Variants in CDH3 observed in about 807,000 individuals in gnomAD.
CDH3 encodes the protein cadherin-3.
In CDH3, 54 loss-of-function variants were observed where a neutral mutation model predicts 82.0. The observed-to-expected ratio is 0.66, with a 90% CI of 0.53 to 0.83. The LOEUF is 0.83. CDH3 is among the 40% of genes least tolerant of loss of function. The probability of loss-of-function intolerance (pLI) is 0.00; values close to 1 mark genes in which losing one functional copy is unlikely to be tolerated. For missense variants in CDH3, 1,054 were observed against 1,084.6 expected (o/e 0.97, Z 0.40); for synonymous variants, 446 against 437.9 (o/e 1.02, Z -0.23).
intron 1 of CDH3, among the ~76,000 whole-genome samples, chr16:68,711,927 C>A (rs890073602): frequency 6.6e-6 from 1 of 151,974 alleles, no homozygotes; most frequent in African/African-American, 2.4e-5. Context: ...CCCAGGACAG[C>A]CCTAAGATGG....
intron 1 of CDH3, among the ~76,000 whole-genome samples, chr16:68,721,859 G>A (rs1342212824): frequency 1.3e-5 from 2 of 152,130 alleles, no homozygotes; most frequent in African/African-American, 4.8e-5. Flanking sequence ...GGAGGCTGAG[G>A]CGGGCAGATC....
intron 2 of CDH3, among the ~76,000 whole-genome samples, chr16:68,655,221 G>C (rs1960381785): frequency 6.6e-6 from 1 of 152,086 alleles, no homozygotes; most frequent in African/African-American, 2.4e-5. Flanking sequence ...GTGGGCAGCA[G>C]CTCCTTATTT....
At chr16:68,652,232 C>T (rs774555588) in intron 2 of CDH3, among the ~76,000 whole-genome samples, 8 of 152,104 alleles carry the variant, frequency 5.3e-5, no homozygotes, top group South Asian at 2.1e-4. Context: ...CCTAGCAGGC[C>T]GCTTTCCTGG....
chr16:68,719,502 C>CTTTTTTTTT (rs71148939), intron 1 of CDH3, among the ~76,000 whole-genome samples: 2 of 74,512 alleles, frequency 2.7e-5, no homozygotes, highest in Non-Finnish European at 4.7e-5. Flanking sequence ...TGGAACTGTT[C>CTTTTTTTTT]TTTTTTTTTT....
intron 3 of CDH3, among the ~76,000 whole-genome samples, chr16:68,676,895 C>G (rs1298170247): frequency 6.6e-6 from 1 of 152,068 alleles, no homozygotes; most frequent in African/African-American, 2.4e-5. Context: ...TTTTGAATAG[C>G]TAATATAGCC....
intron 1 of CDH3, among the ~76,000 whole-genome samples, chr16:68,709,536 G>A (rs1207888612): frequency 6.6e-6 from 1 of 152,120 alleles, no homozygotes; most frequent in East Asian, 1.9e-4. Context: ...TCGGCTTACT[G>A]CAACCTCTGC....
intron 2 of CDH3, among the ~76,000 whole-genome samples, chr16:68,650,803 C>T (rs1383679888): frequency 1.3e-5 from 2 of 152,154 alleles, no homozygotes; most frequent in Non-Finnish European, 2.9e-5. Context: ...CTTCGGGATA[C>T]AGCCTTAACC....
the CDH3 span, among the ~76,000 whole-genome samples, chr16:68,732,951 G>T: frequency 6.6e-6 from 1 of 151,692 alleles, no homozygotes. Flanking sequence ...CTTTAGTGGC[G>T]GGGGTGGGGG....
At chr16:68,719,602 G>A (rs958668916) in intron 1 of CDH3, among the ~76,000 whole-genome samples, 5 of 147,360 alleles carry the variant, frequency 3.4e-5, no homozygotes, top group Admixed American at 2.1e-4. Flanking sequence ...CTGCCTCCCG[G>A]GTTCAAGCAA....
At chr16:68,675,234 T>C (rs1960997004) in intron 2 of CDH3, among the ~76,000 whole-genome samples, 1 of 152,190 alleles carries the variant, frequency 6.6e-6, no homozygotes, top group Admixed American at 6.5e-5. Flanking sequence ...AAGACAGGCT[T>C]TCTGAAAGGA....
chr16:68,649,666 G>A lies in CDH3; in HGVS notation c.160+3916G>A, dbSNP rs898802231. Among the ~76,000 whole-genome samples, 5 of 152,122 alleles carry A rather than the reference G, an allele frequency of 3.3e-5. No individual in the cohort carries two copies. In the East Asian group the frequency reaches 5.8e-4, roughly 18 times the overall value. ...GTCCCTGTGCAGTACTTGGAGGGGC[G>A]TGTGGCCAGGGGAGATGAAGCAGTA... On this transcript the variant is annotated intron_variant, in intron 2 of 15. Coordinates refer to ENST00000264012, the MANE Select transcript of CDH3 (RefSeq NM_001793.6).
At chr16:68,733,281 G>T in the CDH3 span, among the ~76,000 whole-genome samples, 1 of 152,130 alleles carries the variant, frequency 6.6e-6, no homozygotes, top group Non-Finnish European at 1.5e-5. Flanking sequence ...GCCATGTCCA[G>T]CTAATTCAAA....
intron 1 of CDH3, among the ~76,000 whole-genome samples, chr16:68,714,710 T>C (rs1962071441): frequency 1.3e-5 from 2 of 152,194 alleles, no homozygotes; most frequent in Admixed American, 6.5e-5. Context: ...ACTTTATGTG[T>C]ACTACCTCAT....
intron 2 of CDH3, among the ~76,000 whole-genome samples, chr16:68,671,767 C>T (rs116953613): frequency 0.016 from 2,475 of 152,046 alleles, 35 homozygotes; most frequent in Non-Finnish European, 0.019. Context: ...GGTGATCCGC[C>T]CATCTTGCCC....
chr16:68,665,467 G>T (rs537819914), intron 2 of CDH3, among the ~76,000 whole-genome samples: 108 of 151,428 alleles, frequency 7.1e-4, no homozygotes, highest in Middle Eastern at 3.4e-3. Context: ...AGCACCTGGG[G>T]GTGTGTGTGT....
downstream of CDH3, among the ~76,000 whole-genome samples, chr16:68,701,588 G>C (rs527420945): frequency 6.8e-6 from 1 of 146,386 alleles, no homozygotes; most frequent in African/African-American, 2.5e-5. Flanking sequence ...CTCTCCCCCC[G>C]GGGCTAGAGT....
intron 2 of CDH3, among the ~76,000 whole-genome samples, chr16:68,654,245 G>C (rs1051128089): frequency 2.0e-5 from 3 of 149,842 alleles, no homozygotes; most frequent in African/African-American, 7.3e-5. Context: ...ATTTTTAGTA[G>C]AGACAGGGTT....
rs1355294478 is a variant in CDH3 at position 68,698,440 on chromosome 16, C to G, written c.*40C>G. ...GGGCTGGGGACCAAACGTCAGGCCA[C>G]AGAGCATCTCCAAGGGGTCTCAGTT... On this transcript the variant is annotated 3_prime_UTR_variant, in exon 16 of 16. Transcript: ENST00000264012. 6.3e-7 allele frequency: 1 copy of G among 1,576,600 alleles called. No individual in the cohort carries two copies. Among genetic ancestry groups the G allele is most frequent in the Non-Finnish European group, 8.7e-7 (1 of 1,147,242 alleles).
intron 2 of CDH3, among the ~76,000 whole-genome samples, chr16:68,654,328 G>A (rs1485430720): frequency 6.8e-6 from 1 of 146,118 alleles, no homozygotes; most frequent in African/African-American, 2.5e-5. Context: ...CAAAGTGCTG[G>A]GATTACAGGT....
Sources: gnomAD v4.1 joint callset for allele counts (sites outside exome capture counted in the v4.1 genomes callset) on GRCh38, gnomAD v4.1.1 for gene constraint, MANE v1.5 for transcripts, NCBI Gene and HGNC (gene_info 2026-07-23, HGNC 2026-07-21) for gene names.